Variants in TRPM6 observed in about 807,000 individuals in gnomAD.
TRPM6 encodes the protein transient receptor potential cation channel subfamily M member 6.
Under a neutral mutation model 247.6 loss-of-function variants are expected in TRPM6, and 111 were observed. That is an observed-to-expected ratio of 0.45 (90% CI 0.38 to 0.52). TRPM6 has a LOEUF of 0.52. Ranked by LOEUF, TRPM6 falls within the 20% of genes least tolerant of loss-of-function variation. The probability of loss-of-function intolerance (pLI) is 0.00; values close to 1 mark genes in which losing one functional copy is unlikely to be tolerated. For missense variants in TRPM6, 2,126 were observed against 2,421.5 expected (o/e 0.88, Z 2.56); for synonymous variants, 892 against 853.8 (o/e 1.04, Z -0.78).
chr9:74,796,605 T>C (rs1828108304), intron 18 of TRPM6, 136 bp downstream of exon 18: 4 of 834,630 alleles, frequency 4.8e-6, no homozygotes, highest in Non-Finnish European at 6.0e-6. Context: ...CCCAGGACCA[T>C]ATGTCATCAC....
At chr9:74,855,435 C>G in intron 3 of TRPM6, 92 bp downstream of exon 3, 1 of 907,750 alleles carries the variant, frequency 1.1e-6, no homozygotes, top group African/African-American at 1.6e-5. Flanking sequence ...GCACCATTTA[C>G]TGAGTACATT....
At chr9:74,774,522 A>G (rs1827150104) in intron 24 of TRPM6, among the ~76,000 whole-genome samples, 1 of 152,186 alleles carries the variant, frequency 6.6e-6, no homozygotes, top group South Asian at 2.1e-4. Flanking sequence ...AGGAGAAAAA[A>G]TACTTCACAG....
intron 17 of TRPM6, chr9:74,799,933 A>G (rs1416605824): frequency 2.6e-6 from 1 of 386,958 alleles, no homozygotes; most frequent in South Asian, 2.4e-5. Context: ...CTGTCACCCC[A>G]TTGATCGCCA....
intron 31 of TRPM6, 44 bp downstream of exon 31, chr9:74,747,845 A>G (rs780756211): frequency 3.7e-5 from 56 of 1,511,438 alleles, no homozygotes; most frequent in Non-Finnish European, 4.8e-5. Context: ...CGCATTAAAA[A>G]GATGAAAAAA....
In TRPM6 at chr9:74,724,615, A is replaced by G; in HGVS notation, c.6067T>C (p.Ter2023GlnextTer21). ...GGGATCTTCTTGCTCCTCCCTTTTT[A>G]TAGTTGCATATCATCTTCTGGGGAA... ...RNSPEDDMQL* is the reference protein window; with the variant it reads ...RNSPEDDMQLQ Residue 2023 changes from the stop codon to glutamine, a stop_lost, in exon 39 of 39, where the codon TAA (stop) becomes CAA (glutamine). Transcript: ENST00000360774. 6.2e-7 allele frequency: 1 copy of G among 1,614,072 alleles called. No homozygotes were observed. Among genetic ancestry groups the G allele is most frequent in the East Asian group, 2.2e-5 (1 of 44,874 alleles).
chr9:74,810,368 G>A (rs913596442), intron 13 of TRPM6, among the ~76,000 whole-genome samples: 1 of 152,140 alleles, frequency 6.6e-6, no homozygotes, highest in Admixed American at 6.5e-5. Context: ...TGACTGCCTA[G>A]AACAATGCAG....
At chr9:74,741,178 G>C (rs908301989) in intron 33 of TRPM6, among the ~76,000 whole-genome samples, 8 of 152,014 alleles carry the variant, frequency 5.3e-5, no homozygotes, top group Non-Finnish European at 1.2e-4. Flanking sequence ...CCACTTTTAG[G>C]CTGTTGAAGA....
At position 74,781,187 on chromosome 9, in the gene TRPM6, T is replaced by C. The variant is rs554837112; in HGVS notation, c.3209+1175A>G. Among the ~76,000 whole-genome samples, 18 of 151,238 alleles carry C rather than the reference T, an allele frequency of 1.2e-4. No homozygotes were observed. In the South Asian group the frequency reaches 3.8e-3, roughly 32 times the overall value. On this transcript the variant is annotated intron_variant, in intron 23 of 38. Transcript: ENST00000360774. ...TCAGGGACATTCCAATGTTAAAAGGTTGGGGAGAAGATGATCCAGAAAAGA... is the reference window on the plus strand; with the variant it reads ...TCAGGGACATTCCAATGTTAAAAGGCTGGGGAGAAGATGATCCAGAAAAGA...
intron 23 of TRPM6, among the ~76,000 whole-genome samples, chr9:74,779,078 A>G (rs1374542124): frequency 6.6e-6 from 1 of 152,142 alleles, no homozygotes; most frequent in African/African-American, 2.4e-5. Context: ...ATCTCAGACT[A>G]CCAGCCTGGG....
chr9:74,839,855 G>GAGGA lies in TRPM6; in HGVS notation c.544+165_544+168dup, dbSNP rs527635762. ...AGAAAAAAGAAAAAGAGAAGAGAGA[G>GAGGA]AGGAAGGAAGGAAGGAAGGAAGGAA... On this transcript the variant is annotated intron_variant, in intron 5 of 38. Coordinates refer to ENST00000360774, the MANE Select transcript of TRPM6 (RefSeq NM_017662.5). Among the ~76,000 whole-genome samples, 14,671 of 72,238 alleles carry GAGGA rather than the reference G, an allele frequency of 0.2. 2,497 individuals are homozygous for GAGGA. The highest frequency in any genetic ancestry group is 0.41 in the East Asian group (856 of 2,088). The allele number at this position is 72,238 out of a possible 152,430, so 47.4% of individuals were successfully genotyped here.
rs752871062 is a variant in TRPM6, at chr9:74,782,758, T to C, written c.3015A>G (p.Pro1005=). The C allele has an allele frequency of 1.8e-5, 29 of 1,614,054 alleles. No individual in the cohort carries two copies. Among genetic ancestry groups the C allele is most frequent in the African/African-American group, 4.0e-5 (3 of 74,928 alleles). Residue 1005 remains proline (P), a synonymous_variant, in exon 22 of 39, where the codon CCA becomes CCG. Coordinates refer to ENST00000360774, the MANE Select transcript of TRPM6 (RefSeq NM_017662.5). ...RKAILSPKEP[P]SWSLARDIVF... The stretch of plus-strand genomic sequence containing the variant: ...CAATATCTCGAGCTAGACTCCAAGA[T>C]GGTGGCTCTTTTGGCGAAAGGATGG...
rs76453709 is a variant in TRPM6, at chr9:74,795,059, T to A, written c.2391+1682A>T. Among the ~76,000 whole-genome samples the A allele has an allele frequency of 3.2e-3, 490 of 151,584 alleles. 6 individuals carry two copies. The highest frequency in any genetic ancestry group is 0.012 in the African/African-American group (473 of 40,902). ...ATTATTTCACTGTGATTTATCGACC[T>A]GTCTAAGACCGAGCTCATCTTTCCC... is the stretch of plus-strand genomic sequence containing the variant. On this transcript the variant is annotated intron_variant, in intron 18 of 38. Transcript: ENST00000360774.
At position 74,763,023 on chromosome 9, in the gene TRPM6, G is replaced by T; in HGVS notation, c.3648C>A (p.Ala1216=). Residue 1216 remains alanine, a synonymous_variant, in exon 26 of 39, where the codon GCC becomes GCA. Coordinates refer to ENST00000360774, the MANE Select transcript of TRPM6 (RefSeq NM_017662.5). ...SQVGHLQDLS[A]LTVDTLKVLS... ...GGACTTTCAGGGTATCCACAGTCAG[G>T]GCAGAGAGATCCTGCAGGTGTCCCA... 6.2e-7 allele frequency: 1 copy of T among 1,614,082 alleles called. No individual in the cohort carries two copies. The highest frequency in any genetic ancestry group is 8.5e-7 in the Non-Finnish European group (1 of 1,179,992).
chr9:74,753,590 G>A (rs1293915340), intron 28 of TRPM6, among the ~76,000 whole-genome samples: 1 of 152,044 alleles, frequency 6.6e-6, no homozygotes, highest in African/African-American at 2.4e-5. Context: ...CAGCTACTCG[G>A]GAGGCTGAGG....
At chr9:74,828,536 T>G (rs1190047633) in intron 6 of TRPM6, among the ~76,000 whole-genome samples, 1 of 152,170 alleles carries the variant, frequency 6.6e-6, no homozygotes, top group African/African-American at 2.4e-5. Context: ...AAACAAACCC[T>G]GTTCAGCAAG....
intron 23 of TRPM6, 50 bp downstream of exon 23, chr9:74,782,312 T>A (rs1391818628): frequency 1.6e-5 from 22 of 1,375,666 alleles, no homozygotes; most frequent in Non-Finnish European, 2.3e-5. Flanking sequence ...ACTCAACATA[T>A]CTGCCCACAT....
In TRPM6 at chr9:74,762,269, T is replaced by A; in HGVS notation, c.4402A>T (p.Ile1468Phe). The A allele has an allele frequency of 6.2e-7, 1 of 1,614,226 alleles. No individual in the cohort carries two copies. Among genetic ancestry groups the A allele is most frequent in the Non-Finnish European group, 8.5e-7 (1 of 1,180,032 alleles). ...SEGDETGVFS[I>F]KKKWQTCLPS... ...AAGCAGGTTTGCCACTTTTTCTTGATGCTAAACACACCAGTTTCATCACCT... is the reference window on the plus strand; with the variant it reads ...AAGCAGGTTTGCCACTTTTTCTTGAAGCTAAACACACCAGTTTCATCACCT... The change falls in exon 26 of 39, where the codon ATC becomes TTC. Residue 1468 changes from isoleucine to phenylalanine, a missense_variant. Ile to Phe is a conservative substitution (Grantham distance 21). Coordinates refer to ENST00000360774, the MANE Select transcript of TRPM6 (RefSeq NM_017662.5).
chr9:74,755,505 G>T, intron 27 of TRPM6, 32 bp from the exon 28 acceptor site: 1 of 1,613,358 alleles, frequency 6.2e-7, no homozygotes, highest in Non-Finnish European at 8.5e-7. Flanking sequence ...GGAACACAGT[G>T]ACATTAATTC....
intron 3 of TRPM6, among the ~76,000 whole-genome samples, chr9:74,851,075 A>G (rs184464995): frequency 1.1e-4 from 17 of 151,768 alleles, no homozygotes; most frequent in African/African-American, 4.1e-4. Context: ...TATTCTGATT[A>G]TCTATTTGAT....
Sources: allele counts gnomAD v4.1 joint callset (sites outside exome capture counted in the v4.1 genomes callset), GRCh38; gene constraint gnomAD v4.1.1; transcripts MANE v1.5; gene names NCBI Gene and HGNC (gene_info 2026-07-23, HGNC 2026-07-21).